Variants in HSPA4 observed in about 807,000 individuals in gnomAD.
The protein encoded by HSPA4 is heat shock protein family A (Hsp70) member 4.
HSPA4 carries 25 observed loss-of-function variants against 106.2 expected under a neutral mutation model. The ratio of observed to expected loss-of-function variants is 0.24; its 90% CI spans 0.17 to 0.33. The LOEUF is 0.33. HSPA4 is among the 10% of genes least tolerant of loss of function. The pLI is 1.00. For synonymous variants in HSPA4, 332 were observed against 333.6 expected (o/e 1.00, Z 0.05); for missense variants, 841 against 996.0 (o/e 0.84, Z 2.10).
At chr5:133,089,777 G>T in intron 11 of HSPA4, 82 bp downstream of exon 11, 1 of 1,125,964 alleles carries the variant, frequency 8.9e-7, no homozygotes, top group Non-Finnish European at 1.2e-6. Context: ...ACTTTGAAAG[G>T]CTAAGGTGGG....
At chr5:133,095,042 T>C (rs1385760751) in intron 13 of HSPA4, among the ~76,000 whole-genome samples, 3 of 152,232 alleles carry the variant, frequency 2.0e-5, no homozygotes, top group Non-Finnish European at 4.4e-5. Flanking sequence ...AGAGTCGCTG[T>C]GGCTCACACC....
At chr5:133,057,817 A>G (rs1765186900) in intron 1 of HSPA4, among the ~76,000 whole-genome samples, 1 of 152,236 alleles carries the variant, frequency 6.6e-6, no homozygotes, top group Non-Finnish European at 1.5e-5. Flanking sequence ...AGCAGCATTG[A>G]CTTGGCATTG....
At chr5:133,077,341 G>A (rs548082333) in intron 7 of HSPA4, among the ~76,000 whole-genome samples, 1 of 152,176 alleles carries the variant, frequency 6.6e-6, no homozygotes, top group African/African-American at 2.4e-5. Flanking sequence ...AGGTTCAAGC[G>A]ATTCTCCTGC....
chr5:133,054,493 C>G (rs948100894), intron 1 of HSPA4, among the ~76,000 whole-genome samples: 1 of 152,108 alleles, frequency 6.6e-6, no homozygotes, highest in Non-Finnish European at 1.5e-5. Flanking sequence ...AGTGAGCCAC[C>G]GCACCTGGCA....
At chr5:133,064,911 T>G in intron 1 of HSPA4, 69 bp from the exon 2 acceptor site, 1 of 1,314,380 alleles carries the variant, frequency 7.6e-7, no homozygotes, top group Non-Finnish European at 1.1e-6. Flanking sequence ...ACTCAGATCT[T>G]GCCTGCTATG....
Position 133,054,977 on chromosome 5 carries a change from A to G in HSPA4, c.107+2620A>G, listed in dbSNP as rs574142340. On this transcript the variant is annotated intron_variant, in intron 1 of 18. Coordinates refer to ENST00000304858, the MANE Select transcript of HSPA4 (RefSeq NM_002154.4). ...GTGTTCCTATCCTTTCTTTTAGATT[A>G]TTATCACATGCTCCTGTTTTTCTTT... Among the ~76,000 whole-genome samples, 16 of 152,306 alleles carry G rather than the reference A, an allele frequency of 1.1e-4. 1 individual carries two copies. The highest frequency in any genetic ancestry group is 9.8e-4 in the Admixed American group (15 of 15,294).
intron 13 of HSPA4, among the ~76,000 whole-genome samples, chr5:133,094,855 C>T (rs969773587): frequency 1.3e-5 from 2 of 152,048 alleles, no homozygotes; most frequent in African/African-American, 4.8e-5. Context: ...AATTGAATTC[C>T]AGATGAATTC....
At chr5:133,094,935 G>A (rs1262366715) in intron 13 of HSPA4, among the ~76,000 whole-genome samples, 2 of 152,184 alleles carry the variant, frequency 1.3e-5, no homozygotes, top group African/African-American at 2.4e-5. Flanking sequence ...GGCTTTCAGA[G>A]TATGAAAGCA....
At chr5:133,062,069 G>A (rs1485735542) in intron 1 of HSPA4, among the ~76,000 whole-genome samples, 1 of 152,170 alleles carries the variant, frequency 6.6e-6, no homozygotes, top group Non-Finnish European at 1.5e-5. Flanking sequence ...CAGGAAGATT[G>A]GGATACTTTA....
Position 133,102,886 on chromosome 5 carries a change from C to G in HSPA4, c.2158-979C>G, listed in dbSNP as rs1029765903. ...TTCTAAGTAGCTGGGACTATAGGCA[C>G]GTACCACCACACCCAACTAGGGTTG... On this transcript the variant is annotated intron_variant, in intron 17 of 18. Transcript: ENST00000304858. Among the ~76,000 whole-genome samples, 4 of 149,828 alleles carry G rather than the reference C, an allele frequency of 2.7e-5. No homozygotes were observed. The South Asian group carries it at 6.3e-4, about 24-fold the overall frequency.
intron 7 of HSPA4, among the ~76,000 whole-genome samples, chr5:133,084,281 G>A (rs1765551891): frequency 1.3e-5 from 2 of 152,152 alleles, no homozygotes; most frequent in South Asian, 4.1e-4. Flanking sequence ...TTGTTCTTCT[G>A]TATTGCTAAC....
intron 1 of HSPA4, among the ~76,000 whole-genome samples, chr5:133,053,461 A>G (rs1296940555): frequency 6.8e-6 from 1 of 147,148 alleles, no homozygotes; most frequent in Non-Finnish European, 1.5e-5. Flanking sequence ...TGATTCTCCC[A>G]CCTCAGCCTC....
rs1258232966 is a variant in HSPA4, at chr5:133,052,129, A to G, written c.-122A>G. On this transcript the variant is annotated 5_prime_UTR_variant, in exon 1 of 19. Coordinates refer to ENST00000304858, the MANE Select transcript of HSPA4 (RefSeq NM_002154.4). ...GAAGGACTTAGGCGCTCGCGTGGAC[A>G]CCGCAAGCCCCTCAGTAGCCTCGGC... The G allele has an allele frequency of 1.5e-6, 1 of 655,230 alleles. No homozygotes were observed. The highest frequency in any genetic ancestry group is 2.7e-5 in the Admixed American group (1 of 36,814). The allele number at this position is 655,230 out of a possible 1,614,324, so 40.6% of individuals were successfully genotyped here.
Position 133,099,666 on chromosome 5 carries a change from G to C in HSPA4, c.2037+14G>C. ...GCTGAATTAAAAGTAAGTGACTCTTGAGAGCAGAGGTATCCAGAACCCTTG... is the reference window on the plus strand; with the variant it reads ...GCTGAATTAAAAGTAAGTGACTCTTCAGAGCAGAGGTATCCAGAACCCTTG... On this transcript the variant is annotated intron_variant, in intron 16 of 18. Transcript: ENST00000304858. 7.1e-7 allele frequency: 1 copy of C among 1,402,760 alleles called. No homozygotes were observed. Among genetic ancestry groups the C allele is most frequent in the Non-Finnish European group, 1.0e-6 (1 of 991,432 alleles). The allele number at this position is 1,402,760 out of a possible 1,614,324, so 86.9% of individuals were successfully genotyped here. A position where few individuals can be genotyped will look rare whatever the true frequency, so the allele number is the denominator to read the frequency against.
rs1343323209 is a variant in HSPA4 at position 133,058,454 on chromosome 5, GGTC to G, written c.107+6099_107+6101del. On this transcript the variant is annotated intron_variant, in intron 1 of 18. Coordinates refer to ENST00000304858, the MANE Select transcript of HSPA4 (RefSeq NM_002154.4). ...GCACTTGAAGAGGCTGAGGTGGGCG[GGTC>G]GCCTGAAGTCAGGAGTTTGAGACCA... is the stretch of plus-strand genomic sequence containing the variant. Among the ~76,000 whole-genome samples, 8 of 152,204 alleles carry G rather than the reference GGTC, an allele frequency of 5.3e-5. No homozygotes were observed. The East Asian group carries it at 1.5e-3, about 29-fold the overall frequency.
chr5:133,088,511 A>G lies in HSPA4; in HGVS notation c.1093A>G (p.Thr365Ala), dbSNP rs1765606608. The G allele has an allele frequency of 1.2e-6, 2 of 1,613,940 alleles. No homozygotes were observed. The highest frequency in any genetic ancestry group is 1.7e-6 in the Non-Finnish European group (2 of 1,179,886). The part of the protein sequence containing the change: ...SKFFGKELST[T>A]LNADEAVTRG... Reference sequence around the variant, plus strand: ...ATTTTTCGGTAAAGAACTTAGTACAACATTAAATGCTGATGAAGCTGTCAC... The same window carrying G: ...ATTTTTCGGTAAAGAACTTAGTACAGCATTAAATGCTGATGAAGCTGTCAC... Residue 365 changes from threonine to alanine, a missense_variant, in exon 9 of 19, where the codon ACA becomes GCA. Thr to Ala is a moderately conservative substitution (Grantham distance 58). This residue lies in a region of HSPA4 where 162 missense variants were observed against 177.7 expected (regional missense o/e 0.91). Coordinates refer to ENST00000304858, the MANE Select transcript of HSPA4 (RefSeq NM_002154.4).
chr5:133,105,565 C>CT lies in HSPA4; in HGVS notation c.*1134dup, dbSNP rs1271687969. On this transcript the variant is annotated 3_prime_UTR_variant, in exon 19 of 19. Coordinates refer to ENST00000304858, the MANE Select transcript of HSPA4 (RefSeq NM_002154.4). ...GTATACCAAAGCATTCCTCTGACTG[C>CT]TTTTTGGGGCAGTGTTGACAGGAGT... is the stretch of plus-strand genomic sequence containing the variant. 6.6e-6 allele frequency: 1 copy of CT among 152,106 alleles called. No homozygotes were observed. The highest frequency in any genetic ancestry group is 1.9e-4 in the East Asian group (1 of 5,186). 9.4% of individuals were successfully genotyped at this position (152,106 alleles called of 1,614,324 possible).
At chr5:133,085,489 T>TTAAAAAA (rs1554089513) in intron 7 of HSPA4, among the ~76,000 whole-genome samples, 2 of 110,272 alleles carry the variant, frequency 1.8e-5, no homozygotes, top group African/African-American at 9.9e-5. Flanking sequence ...CCATCTCTAC[T>TTAAAAAA]AAAAAAAAAA....
chr5:133,059,544 C>T (rs780032570), intron 1 of HSPA4, among the ~76,000 whole-genome samples: 7 of 151,598 alleles, frequency 4.6e-5, no homozygotes, highest in Non-Finnish European at 8.8e-5. Context: ...GCCTGGGAGG[C>T]GGAGGTTGCA....
Sources: gnomAD v4.1 joint callset for allele counts (sites outside exome capture counted in the v4.1 genomes callset) on GRCh38, gnomAD v4.1.1 for gene constraint, gnomAD v4.1.1 regional missense constraint, MANE v1.5 for transcripts, NCBI Gene and HGNC (gene_info 2026-07-23, HGNC 2026-07-21) for gene names.